ADGRV1: variants seen among roughly 807,000 people sequenced by gnomAD.
ADGRV1 encodes adhesion G protein-coupled receptor V1, also known as G-protein coupled receptor 98.
Under a neutral mutation model 596.2 loss-of-function variants are expected in ADGRV1, and 359 were observed. That is an observed-to-expected ratio of 0.60 (90% CI 0.55 to 0.66). The LOEUF (loss-of-function observed/expected upper bound fraction) is 0.66, where lower values mean the gene tolerates loss of function less well. ADGRV1 is among the 30% of genes least tolerant of loss of function. ADGRV1 has a pLI of 0.00. For missense variants in ADGRV1, 7,274 were observed against 7,575.6 expected, an observed-to-expected ratio of 0.96 and a Z score of 1.48; for synonymous variants, 2,681 against 2,679.2, an observed-to-expected ratio of 1.00 and a Z score of -0.02.
intron 33 of ADGRV1, among the ~76,000 whole-genome samples, chr5:90,695,153 G>T (rs917505361): frequency 6.6e-6 from 1 of 152,106 alleles, no homozygotes; most frequent in Admixed American, 6.6e-5. Context: ...TATCATCAGA[G>T]AAAATTATTT....
At chr5:91,055,828 A>G (rs1369879986) in intron 85 of ADGRV1, among the ~76,000 whole-genome samples, 1 of 152,274 alleles carries the variant, frequency 6.6e-6, no homozygotes, top group African/African-American at 2.4e-5. Context: ...GGTTGGTGCA[A>G]AAGTATGAAT....
chr5:90,618,738 A>C (rs934791991), intron 3 of ADGRV1, among the ~76,000 whole-genome samples: 18 of 152,106 alleles, frequency 1.2e-4, no homozygotes, highest in African/African-American at 4.3e-4. Context: ...ATTACATTGA[A>C]TAGAATTTTG....
chr5:90,910,470 T>A (rs530561990), intron 83 of ADGRV1, among the ~76,000 whole-genome samples: 1 of 152,236 alleles, frequency 6.6e-6, no homozygotes, highest in East Asian at 1.9e-4. Context: ...ATCGTGTTTA[T>A]TTCATTTTTA....
chr5:90,621,897 T>G (rs1388264418), intron 4 of ADGRV1, among the ~76,000 whole-genome samples: 3 of 152,134 alleles, frequency 2.0e-5, no homozygotes, highest in African/African-American at 4.8e-5. Flanking sequence ...GGATAAGCAC[T>G]TGATGTGAAC....
In ADGRV1 at chr5:91,126,934, A is replaced by G. The variant is rs550834017; in HGVS notation, c.18433-23096A>G. ...ATTATAAAGTTTTTGATTTTCTAAC[A>G]TCTGAAGACAGGCATCCAGCCTTGC... On this transcript the variant is annotated intron_variant, in intron 87 of 89. Coordinates refer to ENST00000405460, the MANE Select transcript of ADGRV1 (RefSeq NM_032119.4). 3.9e-5 allele frequency among the ~76,000 whole-genome samples: 6 copies of G among 152,340 alleles called. No homozygotes were observed. The South Asian group carries it at 1.0e-3, about 26-fold the overall frequency.
chr5:90,802,750 A>G lies in ADGRV1; in HGVS notation c.14529A>G (p.Ser4843=). The G allele has an allele frequency of 6.2e-7, 1 of 1,611,844 alleles. No homozygotes were observed. Among genetic ancestry groups the G allele is most frequent in the Admixed American group, 1.7e-5 (1 of 59,848 alleles). Reference sequence around the variant, plus strand: ...CTGTTTGTTTATAGGTCTTCCTATCACTGGGCTCTAATTTCACTTTGCAAC... The same window carrying G: ...CTGTTTGTTTATAGGTCTTCCTATCGCTGGGCTCTAATTTCACTTTGCAAC... The part of the protein sequence containing the change: ...VVPIKNQVFL[S]LGSNFTLQLV... The change falls in exon 71 of 90, where the codon TCA becomes TCG. Residue 4843 remains serine, a synonymous_variant. Transcript: ENST00000405460.
chr5:91,092,077 A>G (rs1790433542), intron 86 of ADGRV1, among the ~76,000 whole-genome samples: 1 of 152,152 alleles, frequency 6.6e-6, no homozygotes, highest in African/African-American at 2.4e-5. Context: ...GAAAAGAGAG[A>G]GTGGCAGGGA....
intron 83 of ADGRV1, among the ~76,000 whole-genome samples, chr5:90,907,152 A>T (rs935852489): frequency 1.3e-5 from 2 of 152,144 alleles, no homozygotes; most frequent in African/African-American, 4.8e-5. Flanking sequence ...GGCATTGTTG[A>T]CATTTCTCTT....
rs150567900 is a variant in ADGRV1, at chr5:90,996,630, G to A, written c.18152+11108G>A. 2.3e-3 allele frequency among the ~76,000 whole-genome samples: 346 copies of A among 152,322 alleles called. 14 individuals carry two copies. In the East Asian group the frequency reaches 0.056, roughly 25 times the overall value. On this transcript the variant is annotated intron_variant, in intron 85 of 89. Coordinates refer to ENST00000405460, the MANE Select transcript of ADGRV1 (RefSeq NM_032119.4). Reference sequence around the variant, plus strand: ...TACTGGGACACTGCCTAGTGGAGCTGTGAGGAGAGGGCCACAGTTCTGCAG... The same window carrying A: ...TACTGGGACACTGCCTAGTGGAGCTATGAGGAGAGGGCCACAGTTCTGCAG...
At chr5:90,811,803 A>AT (rs1332066676) in intron 74 of ADGRV1, among the ~76,000 whole-genome samples, 1 of 151,686 alleles carries the variant, frequency 6.6e-6, no homozygotes, top group Non-Finnish European at 1.5e-5. Context: ...TGTAGTTGAT[A>AT]TAGCCATCAT....
chr5:90,782,618 G>A (rs1453177923), intron 65 of ADGRV1, among the ~76,000 whole-genome samples: 1 of 152,052 alleles, frequency 6.6e-6, no homozygotes, highest in African/African-American at 2.4e-5. Flanking sequence ...AGATTCACAA[G>A]TAGATTTCAT....
intron 78 of ADGRV1, among the ~76,000 whole-genome samples, chr5:90,844,830 C>G (rs1295564436): frequency 1.3e-5 from 2 of 152,142 alleles, no homozygotes; most frequent in East Asian, 3.8e-4. Flanking sequence ...ATGGTTGATT[C>G]AGGTCTTCTA....
intron 83 of ADGRV1, among the ~76,000 whole-genome samples, chr5:90,874,432 A>T (rs971993738): frequency 1.3e-5 from 2 of 152,042 alleles, no homozygotes; most frequent in Non-Finnish European, 2.9e-5. Context: ...TTTCTTGTTC[A>T]TGTATTGTAT....
At chr5:90,754,661 T>C (rs1755634415) in intron 54 of ADGRV1, among the ~76,000 whole-genome samples, 1 of 152,182 alleles carries the variant, frequency 6.6e-6, no homozygotes, top group South Asian at 2.1e-4. Context: ...TCAACCTGCA[T>C]ATCTGTACTT....
chr5:90,986,088 AATATAT>A (rs4019336), intron 85 of ADGRV1, among the ~76,000 whole-genome samples: 7 of 141,628 alleles, frequency 4.9e-5, no homozygotes, highest in African/African-American at 1.8e-4. Context: ...ATATATGCAT[AATATAT>A]ATATATATAT....
intron 84 of ADGRV1, among the ~76,000 whole-genome samples, chr5:90,983,040 T>C (rs1006320070): frequency 5.3e-5 from 8 of 152,232 alleles, no homozygotes; most frequent in Non-Finnish European, 1.5e-5. Flanking sequence ...GTATTTCTAG[T>C]CCATAGCTTT....
At chr5:90,914,091 A>G (rs1451649493) in intron 83 of ADGRV1, among the ~76,000 whole-genome samples, 2 of 152,130 alleles carry the variant, frequency 1.3e-5, no homozygotes, top group Non-Finnish European at 2.9e-5. Context: ...AATATCCCTT[A>G]TCCAAAATGC....
At chr5:90,822,597 G>T (rs2150296678) in intron 75 of ADGRV1, among the ~76,000 whole-genome samples, 1 of 152,306 alleles carries the variant, frequency 6.6e-6, no homozygotes, top group Middle Eastern at 3.4e-3. Flanking sequence ...GCTTAGGACT[G>T]ACTCGGCGAT....
chr5:90,680,318 G>A lies in ADGRV1; in HGVS notation c.5524+689G>A, dbSNP rs75496190. Among the ~76,000 whole-genome samples, 55 of 151,044 alleles carry A rather than the reference G, an allele frequency of 3.6e-4. No individual in the cohort carries two copies. In the East Asian group the frequency reaches 9.2e-3, roughly 25 times the overall value. ...TTGAGTGAACCAAGATTGCGTCACTGCACTCCAGACTGGGTGACAGAGCAA... is the reference window on the plus strand; with the variant it reads ...TTGAGTGAACCAAGATTGCGTCACTACACTCCAGACTGGGTGACAGAGCAA... On this transcript the variant is annotated intron_variant, in intron 26 of 89. Coordinates refer to ENST00000405460, the MANE Select transcript of ADGRV1 (RefSeq NM_032119.4).
Sources: allele counts gnomAD v4.1 joint callset (sites outside exome capture counted in the v4.1 genomes callset), GRCh38; gene constraint gnomAD v4.1.1; transcripts MANE v1.5; gene names NCBI Gene and HGNC (gene_info 2026-07-23, HGNC 2026-07-21).